The following FHL2 variants were observed in gnomAD, a reference collection of about 807,000 sequenced individuals.
FHL2 encodes the protein four and a half LIM domains 2, also known as four and a half LIM domains protein 2.
In FHL2, 20 loss-of-function variants were observed where a neutral mutation model predicts 32.7. That is an observed-to-expected ratio of 0.61 (90% CI 0.43 to 0.89). The LOEUF (loss-of-function observed/expected upper bound fraction) is 0.89. Among genes scored for constraint, FHL2 ranks in the 40% least tolerant of loss-of-function variants. The pLI is 0.00. For synonymous variants in FHL2, 123 were observed against 128.1 expected (o/e 0.96, Z 0.27); for missense variants, 311 against 358.6 (o/e 0.87, Z 1.07).
chr2:105,365,954 C>G (rs2104498730), intron 5 of FHL2, among the ~76,000 whole-genome samples: 1 of 152,226 alleles, frequency 6.6e-6, no homozygotes, highest in Admixed American at 6.5e-5. Context: ...CCTGTAATCC[C>G]AGCACTTTGG....
At chr2:105,404,039 A>G (rs541524357), upstream of FHL2, among the ~76,000 whole-genome samples, 1 of 152,282 alleles carries the variant, frequency 6.6e-6, no homozygotes, top group East Asian at 1.9e-4. Context: ...CCATCTGTGC[A>G]GGGGCCAACA....
At chr2:105,388,980 C>T (rs1682525422) in intron 2 of FHL2, among the ~76,000 whole-genome samples, 2 of 152,198 alleles carry the variant, frequency 1.3e-5, no homozygotes, top group Non-Finnish European at 2.9e-5. Flanking sequence ...TAAAATATTG[C>T]CGCCTGGTTT....
chr2:105,423,795 A>G (rs1021147965), intron 1 of FHL2, among the ~76,000 whole-genome samples: 4 of 152,210 alleles, frequency 2.6e-5, no homozygotes, highest in African/African-American at 7.2e-5. Flanking sequence ...CAATTATATA[A>G]ATGGTGTTGG....
At chr2:105,422,800 A>G (rs1684144327) in intron 1 of FHL2, among the ~76,000 whole-genome samples, 1 of 152,190 alleles carries the variant, frequency 6.6e-6, no homozygotes, top group African/African-American at 2.4e-5. Context: ...GATTGTCTGT[A>G]TCAGTTATAC....
intron 1 of FHL2, among the ~76,000 whole-genome samples, chr2:105,432,191 C>T (rs754022895): frequency 6.6e-5 from 10 of 152,200 alleles, no homozygotes; most frequent in African/African-American, 1.7e-4. Flanking sequence ...CTTGGATGAT[C>T]GCCCATGCTG....
chr2:105,363,732 C>G (rs1371184541), intron 5 of FHL2, among the ~76,000 whole-genome samples: 1 of 152,182 alleles, frequency 6.6e-6, no homozygotes, highest in African/African-American at 2.4e-5. Flanking sequence ...TGCTGGGGAT[C>G]TAAGGCATAG....
upstream of FHL2, among the ~76,000 whole-genome samples, chr2:105,399,936 T>C (rs946674662): frequency 6.6e-6 from 1 of 152,192 alleles, no homozygotes; most frequent in Admixed American, 6.5e-5. Context: ...TCGGGGCAGC[T>C]CATAGGAATA....
chr2:105,368,580 T>G (rs1409365101), intron 4 of FHL2, among the ~76,000 whole-genome samples: 1 of 152,192 alleles, frequency 6.6e-6, no homozygotes, highest in African/African-American at 2.4e-5. Context: ...TATTAGCATT[T>G]GATACATTTC....
intron 1 of FHL2, among the ~76,000 whole-genome samples, chr2:105,417,423 G>A (rs1157978441): frequency 6.6e-6 from 1 of 151,958 alleles, no homozygotes; most frequent in Non-Finnish European, 1.5e-5. Context: ...GGTGGCTCAC[G>A]CCTGTAATCC....
Position 105,424,678 on chromosome 2 carries a change from C to T in FHL2, c.-25+13721G>A, listed in dbSNP as rs187707541. Among the ~76,000 whole-genome samples, 5 of 152,270 alleles carry T rather than the reference C, an allele frequency of 3.3e-5. No homozygotes were observed. The East Asian group carries it at 7.7e-4, about 23-fold the overall frequency. On this transcript the variant is annotated intron_variant, in intron 1 of 5. Transcript: ENST00000393352. Reference sequence around the variant, plus strand: ...TAAAGAAAAAGTGGCACATATACACCATGGAATACTATGCAGCCATAAAAA... The same window carrying T: ...TAAAGAAAAAGTGGCACATATACACTATGGAATACTATGCAGCCATAAAAA...
intron 2 of FHL2, among the ~76,000 whole-genome samples, chr2:105,393,651 A>T (rs2104614748): frequency 6.6e-6 from 1 of 152,362 alleles, no homozygotes; most frequent in Admixed American, 6.5e-5. Context: ...TGAACAAATG[A>T]ATTGACGGGT....
At chr2:105,433,053 G>C (rs1182794369) in intron 1 of FHL2, among the ~76,000 whole-genome samples, 2 of 152,304 alleles carry the variant, frequency 1.3e-5, no homozygotes, top group African/African-American at 4.8e-5. Context: ...AGGTTACAGT[G>C]CTAGCTCTCA....
chr2:105,395,254 C>T (rs747754638), intron 2 of FHL2, among the ~76,000 whole-genome samples: 17 of 152,230 alleles, frequency 1.1e-4, no homozygotes, highest in Non-Finnish European at 2.5e-4. Context: ...GCTAGAATGG[C>T]GGGTGGCCTC....
intron 5 of FHL2, among the ~76,000 whole-genome samples, chr2:105,367,068 C>T (rs1472118595): frequency 6.6e-6 from 1 of 152,236 alleles, no homozygotes; most frequent in African/African-American, 2.4e-5. Flanking sequence ...GCCTCCATGC[C>T]CGGCCAGAGT....
At position 105,421,511 on chromosome 2, in the gene FHL2, G is replaced by T. The variant is rs529216030; in HGVS notation, c.-25+16888C>A. On this transcript the variant is annotated intron_variant, in intron 1 of 5. Coordinates refer to the FHL2 transcript ENST00000393352. The stretch of plus-strand genomic sequence containing the variant: ...TCTCTAGGACAAATGCTATCAGGAT[G>T]ATGAAAATCAATTTTCTGCCCATTT... Among the ~76,000 whole-genome samples, 5 of 152,324 alleles carry T rather than the reference G, an allele frequency of 3.3e-5. No homozygotes were observed. In the East Asian group the frequency reaches 9.6e-4, roughly 29 times the overall value.
intron 3 of FHL2, among the ~76,000 whole-genome samples, chr2:105,381,820 TA>T (rs1305494259): frequency 1.3e-5 from 2 of 151,752 alleles, no homozygotes; most frequent in Non-Finnish European, 2.9e-5. Flanking sequence ...CCCCAACAAA[TA>T]AAAAAGCACC....
At chr2:105,406,307 A>G (rs964238472) in intron 1 of FHL2, among the ~76,000 whole-genome samples, 1 of 152,234 alleles carries the variant, frequency 6.6e-6, no homozygotes, top group Admixed American at 6.5e-5. Flanking sequence ...AATCGTGTGT[A>G]CAGTCAGAGA....
intron 2 of FHL2, among the ~76,000 whole-genome samples, chr2:105,391,907 CG>C (rs1442583043): frequency 6.6e-6 from 1 of 152,196 alleles, no homozygotes; most frequent in Non-Finnish European, 1.5e-5. Context: ...AAACATAAGG[CG>C]CAACCCCTCC....
At position 105,409,205 on chromosome 2, in the gene FHL2, C is replaced by T. The variant is rs977609608; in HGVS notation, c.-24-22665G>A. Among the ~76,000 whole-genome samples, 6 of 152,166 alleles carry T rather than the reference C, an allele frequency of 3.9e-5. No individual in the cohort carries two copies. In the East Asian group the frequency reaches 9.6e-4, roughly 24 times the overall value. On this transcript the variant is annotated intron_variant, in intron 1 of 5. Coordinates refer to the FHL2 transcript ENST00000393352. ...TGGGCAAGTGAGGGAAAGAAAGAGA[C>T]TATGGGGAGAGCAAGCCAAAGGAAG...
Sources: gnomAD v4.1 joint callset for allele counts (sites outside exome capture counted in the v4.1 genomes callset) on GRCh38, gnomAD v4.1.1 for gene constraint, MANE v1.5 for transcripts, NCBI Gene and HGNC (gene_info 2026-07-23, HGNC 2026-07-21) for gene names.